The following GNAI3 variants were observed in gnomAD, a reference collection of about 807,000 sequenced individuals.
GNAI3 encodes the protein guanine nucleotide-binding protein G(i) subunit alpha-3.
In GNAI3, 12 loss-of-function variants were observed where a neutral mutation model predicts 41.8. That is an observed-to-expected ratio of 0.29 (90% CI 0.18 to 0.47). The LOEUF is 0.47. GNAI3 is among the 20% of genes least tolerant of loss of function. GNAI3 has a pLI of 1.00. For missense variants in GNAI3, 360 were observed against 429.6 expected, an observed-to-expected ratio of 0.84 and a Z score of 1.43; for synonymous variants, 132 against 146.5, an observed-to-expected ratio of 0.90 and a Z score of 0.71.
intron 1 of GNAI3, among the ~76,000 whole-genome samples, chr1:109,558,653 A>G (rs1571148277): frequency 6.6e-6 from 1 of 151,900 alleles, no homozygotes; most frequent in South Asian, 2.1e-4. Context: ...TACTACTTTT[A>G]TGAGTACCAG....
intron 3 of GNAI3, among the ~76,000 whole-genome samples, chr1:109,574,789 C>T (rs1438408740): frequency 1.3e-5 from 2 of 152,156 alleles, no homozygotes; most frequent in Non-Finnish European, 2.9e-5. Context: ...CTAAGGGACT[C>T]ACTGGCTGTG....
intron 1 of GNAI3, among the ~76,000 whole-genome samples, chr1:109,568,739 A>G (rs1448647898): frequency 6.6e-6 from 1 of 152,186 alleles, no homozygotes; most frequent in African/African-American, 2.4e-5. Context: ...GTTTGAGTGC[A>G]GTAGCACAGT....
chr1:109,553,634 T>G (rs557081473), intron 1 of GNAI3, among the ~76,000 whole-genome samples: 1 of 152,230 alleles, frequency 6.6e-6, no homozygotes, highest in Non-Finnish European at 1.5e-5. Flanking sequence ...GATGCATCTG[T>G]GTTTCGGGGA....
Position 109,598,861 on chromosome 1 carries a change from C to T in GNAI3, c.*6539C>T, listed in dbSNP as rs761800110. On this transcript the variant is annotated 3_prime_UTR_variant, in exon 9 of 9. Transcript: ENST00000369851. ...GTCACACTTGCAGTCCCTGGCCCAA[C>T]ACCGAAATCCTTCTGGAATCTGTGC... 1.9e-6 allele frequency: 1 copy of T among 533,736 alleles called. No homozygotes were observed. The highest frequency in any genetic ancestry group is 1.4e-5 in the South Asian group (1 of 71,558). 33.1% of individuals were successfully genotyped at this position (533,736 alleles called of 1,614,324 possible). A position where few individuals can be genotyped will look rare whatever the true frequency, so the allele number is the denominator to read the frequency against.
chr1:109,552,491 C>T (rs1648005024), intron 1 of GNAI3, among the ~76,000 whole-genome samples: 1 of 152,088 alleles, frequency 6.6e-6, no homozygotes, highest in Non-Finnish European at 1.5e-5. Flanking sequence ...CCAGGCTGGT[C>T]TCAAATGCTT....
intron 5 of GNAI3, among the ~76,000 whole-genome samples, chr1:109,585,826 C>A (rs566341407): frequency 6.6e-6 from 1 of 152,200 alleles, no homozygotes; most frequent in East Asian, 1.9e-4. Flanking sequence ...TGTCTGGCAC[C>A]ATGGTAAGCA....
intron 1 of GNAI3, among the ~76,000 whole-genome samples, chr1:109,563,876 A>AG (rs1257241644): frequency 1.7e-3 from 43 of 24,582 alleles, no homozygotes; most frequent in Admixed American, 0.014. Context: ...GGTAATGTTT[A>AG]ATTTTTATGC....
At chr1:109,586,583 C>T in intron 6 of GNAI3, 146 bp from the exon 7 acceptor site, 1 of 690,410 alleles carries the variant, frequency 1.4e-6, no homozygotes, top group Non-Finnish European at 2.4e-6. Flanking sequence ...AAAATGAGGA[C>T]TGACACTCAA....
intron 5 of GNAI3, among the ~76,000 whole-genome samples, chr1:109,585,466 A>G (rs574952239): frequency 6.6e-6 from 1 of 152,328 alleles, no homozygotes; most frequent in South Asian, 2.1e-4. Context: ...GCTGTTTTTT[A>G]GTTATTGGGT....
rs1649367869 is a variant in GNAI3, at chr1:109,598,389, A to C, written c.*6067A>C. On this transcript the variant is annotated 3_prime_UTR_variant, in exon 9 of 9. Coordinates refer to ENST00000369851, the MANE Select transcript of GNAI3 (RefSeq NM_006496.4). ...AATCTTGTGTATTCTTTCAGTCTTA[A>C]ATCACTCATCTGTTATCTAAAGATG... is the stretch of plus-strand genomic sequence containing the variant. 1 of 152,796 alleles carries C rather than the reference A, an allele frequency of 6.5e-6. No homozygotes were observed. The highest frequency in any genetic ancestry group is 2.4e-5 in the African/African-American group (1 of 41,438). The allele number at this position is 152,796 out of a possible 1,614,324, so 9.5% of individuals were successfully genotyped here. A position where few individuals can be genotyped will look rare whatever the true frequency, so the allele number is the denominator to read the frequency against.
chr1:109,573,149 A>G (rs1648653093), intron 1 of GNAI3, among the ~76,000 whole-genome samples: 1 of 152,178 alleles, frequency 6.6e-6, no homozygotes, highest in Non-Finnish European at 1.5e-5. Context: ...TTTGTCAAGG[A>G]GGTCAGAAGG....
intron 4 of GNAI3, among the ~76,000 whole-genome samples, chr1:109,580,827 GTTGAC>G (rs1208570986): frequency 2.0e-5 from 3 of 152,176 alleles, no homozygotes; most frequent in Non-Finnish European, 4.4e-5. Flanking sequence ...ACAGTCTGTT[GTTGAC>G]CAAAACATTG....
chr1:109,586,155 T>C, intron 5 of GNAI3, 61 bp from the exon 6 acceptor site: 1 of 1,465,106 alleles, frequency 6.8e-7, no homozygotes, highest in South Asian at 1.3e-5. Context: ...CCTAATCATT[T>C]CAGTTTAGGG....
At chr1:109,564,285 T>C (rs1156521706) in intron 1 of GNAI3, among the ~76,000 whole-genome samples, 37 of 152,174 alleles carry the variant, frequency 2.4e-4, no homozygotes, top group Non-Finnish European at 7.3e-5. Context: ...TTTATTTTTT[T>C]TGCTTTCTTA....
intron 1 of GNAI3, among the ~76,000 whole-genome samples, chr1:109,550,881 T>G (rs1647968064): frequency 6.6e-6 from 1 of 152,198 alleles, no homozygotes; most frequent in African/African-American, 2.4e-5. Context: ...AGATGTATTC[T>G]CATCTTCTGT....
At chr1:109,591,005 A>G (rs989389210) in intron 7 of GNAI3, among the ~76,000 whole-genome samples, 2 of 152,150 alleles carry the variant, frequency 1.3e-5, no homozygotes, top group Non-Finnish European at 2.9e-5. Flanking sequence ...CCCTGGCTTT[A>G]TAGCCAGTTT....
intron 1 of GNAI3, among the ~76,000 whole-genome samples, chr1:109,565,073 C>G (rs1025016323): frequency 6.6e-6 from 1 of 151,744 alleles, no homozygotes; most frequent in Non-Finnish European, 1.5e-5. Flanking sequence ...CCAGCCTGGC[C>G]AAGATGGTGA....
At chr1:109,570,294 CT>C (rs1431193642) in intron 1 of GNAI3, among the ~76,000 whole-genome samples, 8 of 151,948 alleles carry the variant, frequency 5.3e-5, no homozygotes, top group Non-Finnish European at 5.9e-5. Context: ...TTTTAATTAA[CT>C]TTTGGTTAGT....
chr1:109,581,936 A>AAT (rs1385926716), intron 4 of GNAI3, among the ~76,000 whole-genome samples: 1 of 152,030 alleles, frequency 6.6e-6, no homozygotes, highest in African/African-American at 2.4e-5. Flanking sequence ...TACTTTTGTT[A>AAT]ATATATATAG....
Sources: gnomAD v4.1 joint callset for allele counts (sites outside exome capture counted in the v4.1 genomes callset) on GRCh38, gnomAD v4.1.1 for gene constraint, MANE v1.5 for transcripts, NCBI Gene and HGNC (gene_info 2026-07-23, HGNC 2026-07-21) for gene names.